The following ZYG11B variants were observed in gnomAD, a reference collection of about 807,000 sequenced individuals.
ZYG11B encodes zyg-11 family member B, cell cycle regulator.
In ZYG11B, 36 loss-of-function variants were observed where a neutral mutation model predicts 82.4. The observed-to-expected ratio is 0.44, with a 90% confidence interval of 0.33 to 0.58. ZYG11B has a LOEUF of 0.58. ZYG11B is among the 20% of genes least tolerant of loss of function. The probability of loss-of-function intolerance (pLI) is 0.02; values close to 1 mark genes in which losing one functional copy is unlikely to be tolerated. For missense variants in ZYG11B, 552 were observed against 895.6 expected, an observed-to-expected ratio of 0.62 and a Z score of 4.90; for synonymous variants, 303 against 312.8, an observed-to-expected ratio of 0.97 and a Z score of 0.33.
intron 2 of ZYG11B, among the ~76,000 whole-genome samples, chr1:52,759,451 T>C (rs1644608306): frequency 6.6e-6 from 1 of 152,216 alleles, no homozygotes; most frequent in South Asian, 2.1e-4. Context: ...TAAGCAAGTC[T>C]AACTAAATAT....
Position 52,821,692 on chromosome 1 carries a change from A to T in ZYG11B, c.*63A>T. On this transcript the variant is annotated 3_prime_UTR_variant, in exon 14 of 14. Transcript: ENST00000294353. ...TTTTTGTGATTGGTCCATTTGGAAT[A>T]TCTTACCCTCCCTGATGTTTTGGGG... 1 of 1,471,072 alleles carries T rather than the reference A, an allele frequency of 6.8e-7. No homozygotes were observed. Among genetic ancestry groups the T allele is most frequent in the Non-Finnish European group, 9.2e-7 (1 of 1,083,922 alleles). The allele number at this position is 1,471,072 out of a possible 1,614,324, so 91.1% of individuals were successfully genotyped here. A position where few individuals can be genotyped will look rare whatever the true frequency, so the allele number is the denominator to read the frequency against.
chr1:52,753,060 C>G (rs567784272), intron 1 of ZYG11B, among the ~76,000 whole-genome samples: 19 of 152,174 alleles, frequency 1.2e-4, no homozygotes, highest in African/African-American at 4.6e-4. Context: ...GTTGGTTAGG[C>G]TGGTCTTGAA....
rs12563647 is a variant in ZYG11B, at chr1:52,732,038, C to T, written c.30+5355C>T. 9.9e-4 allele frequency among the ~76,000 whole-genome samples: 150 copies of T among 152,280 alleles called. No individual in the cohort carries two copies. In the East Asian group the frequency reaches 0.018, roughly 18 times the overall value. ...GGCTGCTCTCAAACTCCTGGACTCA[C>T]GTGATCTGCCCACTTTGGCTTCCCA... On this transcript the variant is annotated intron_variant, in intron 1 of 13. Transcript: ENST00000294353.
At chr1:52,751,397 A>AGCTC (rs1644523030) in intron 1 of ZYG11B, among the ~76,000 whole-genome samples, 1 of 150,346 alleles carries the variant, frequency 6.7e-6, no homozygotes, top group Non-Finnish European at 1.5e-5. Flanking sequence ...TGGGAGGCCG[A>AGCTC]GGCGGGCAGA....
intron 6 of ZYG11B, 86 bp downstream of exon 6, chr1:52,790,153 C>T: frequency 2.3e-6 from 2 of 887,646 alleles, no homozygotes; most frequent in Non-Finnish European, 3.3e-6. Context: ...TTAGGATATC[C>T]CTTTTATAAG....
intron 1 of ZYG11B, among the ~76,000 whole-genome samples, chr1:52,756,017 C>T (rs1249583524): frequency 6.6e-6 from 1 of 152,146 alleles, no homozygotes; most frequent in African/African-American, 2.4e-5. Context: ...CCAGGCTGGT[C>T]TCGAACTCCT....
At chr1:52,746,687 GTTTT>G (rs11446988) in intron 1 of ZYG11B, among the ~76,000 whole-genome samples, 32 of 33,508 alleles carry the variant, frequency 9.5e-4, no homozygotes, top group East Asian at 9.0e-3. Context: ...ATCGGCCACT[GTTTT>G]TTTTTTTTTT....
chr1:52,782,479 C>T (rs907388830), intron 4 of ZYG11B, among the ~76,000 whole-genome samples: 7 of 152,152 alleles, frequency 4.6e-5, no homozygotes, highest in Non-Finnish European at 1.0e-4. Flanking sequence ...CAACCTCAAA[C>T]TCTTGAGCTC....
intron 3 of ZYG11B, among the ~76,000 whole-genome samples, chr1:52,778,988 T>C (rs1237782848): frequency 6.6e-6 from 1 of 152,154 alleles, no homozygotes. Flanking sequence ...GGGATTATGA[T>C]AATAGCTCTG....
chr1:52,757,857 A>G (rs1362183878), intron 2 of ZYG11B, among the ~76,000 whole-genome samples: 2 of 152,068 alleles, frequency 1.3e-5, no homozygotes, highest in Non-Finnish European at 2.9e-5. Flanking sequence ...TTATCTGTGT[A>G]GTTTTGCTTA....
chr1:52,793,868 T>TTTGTTTCCTTCCTTCCTTCC (rs1553261660), intron 6 of ZYG11B, among the ~76,000 whole-genome samples: 10 of 95,496 alleles, frequency 1.0e-4, no homozygotes, highest in African/African-American at 3.8e-4. Context: ...CTTTTCTTTC[T>TTTGTTTCCTTCCTTCCTTCC]TTCCTTCCTT....
At chr1:52,808,937 A>G (rs1645162689) in intron 10 of ZYG11B, among the ~76,000 whole-genome samples, 1 of 151,974 alleles carries the variant, frequency 6.6e-6, no homozygotes, top group Non-Finnish European at 1.5e-5. Context: ...CATCTCTACA[A>G]GTTCAATTTA....
chr1:52,742,784 G>A (rs1464094866), intron 1 of ZYG11B, among the ~76,000 whole-genome samples: 1 of 151,556 alleles, frequency 6.6e-6, no homozygotes, highest in African/African-American at 2.4e-5. Flanking sequence ...GGAGCTTGCA[G>A]TGAGCCGAGA....
At chr1:52,813,370 AC>A (rs1645199729) in intron 10 of ZYG11B, among the ~76,000 whole-genome samples, 165 bp from the exon 11 acceptor site, 1 of 152,084 alleles carries the variant, frequency 6.6e-6, no homozygotes, top group East Asian at 1.9e-4. Context: ...GCTTACTCTT[AC>A]CTTCATTGCA....
intron 6 of ZYG11B, among the ~76,000 whole-genome samples, chr1:52,792,807 C>T (rs1294683174): frequency 1.3e-5 from 2 of 152,148 alleles, no homozygotes; most frequent in Non-Finnish European, 2.9e-5. Flanking sequence ...ATTTAATCCT[C>T]ATGACAACCC....
At chr1:52,733,720 A>G (rs1260564654) in intron 1 of ZYG11B, among the ~76,000 whole-genome samples, 1 of 152,198 alleles carries the variant, frequency 6.6e-6, no homozygotes, top group Non-Finnish European at 1.5e-5. Context: ...ATGATCAGAT[A>G]AATGTACTCA....
chr1:52,821,685 T>TTG lies in ZYG11B; in HGVS notation c.*57_*58dup, dbSNP rs1645285605. ...GGAATCCTTTTTGTGATTGGTCCAT[T>TTG]TGGAATATCTTACCCTCCCTGATGT... On this transcript the variant is annotated 3_prime_UTR_variant, in exon 14 of 14. Transcript: ENST00000294353. 1 of 1,503,316 alleles carries TTG rather than the reference T, an allele frequency of 6.7e-7. No homozygotes were observed. The highest frequency in any genetic ancestry group is 1.4e-5 in the African/African-American group (1 of 72,294). 93.1% of individuals were successfully genotyped at this position (1,503,316 alleles called of 1,614,324 possible).
At chr1:52,736,257 A>G (rs1340244478) in intron 1 of ZYG11B, among the ~76,000 whole-genome samples, 4 of 147,866 alleles carry the variant, frequency 2.7e-5, no homozygotes, top group Non-Finnish European at 4.4e-5. Context: ...CTCAGCAAAT[A>G]GTTGTTGAAT....
At chr1:52,745,990 A>T (rs1644473030) in intron 1 of ZYG11B, among the ~76,000 whole-genome samples, 1 of 147,538 alleles carries the variant, frequency 6.8e-6, no homozygotes, top group African/African-American at 2.5e-5. Flanking sequence ...ACGGAGTCTC[A>T]CTCTGTCGCC....
Sources: allele counts gnomAD v4.1 joint callset (sites outside exome capture counted in the v4.1 genomes callset), GRCh38; gene constraint gnomAD v4.1.1; transcripts MANE v1.5; gene names NCBI Gene and HGNC (gene_info 2026-07-23, HGNC 2026-07-21).